SLC24A2: variants seen among roughly 807,000 people sequenced by gnomAD.
SLC24A2 encodes the protein sodium/potassium/calcium exchanger 2.
In SLC24A2, 36 loss-of-function variants were observed where a neutral mutation model predicts 62.0. That is an observed-to-expected ratio of 0.58 (90% CI 0.44 to 0.77). The LOEUF is 0.77. SLC24A2 is among the 30% of genes least tolerant of loss of function. The pLI is 0.00. For missense variants in SLC24A2, 846 were observed against 817.9 expected (o/e 1.03, Z -0.42); for synonymous variants, 358 against 294.0 (o/e 1.22, Z -2.23).
At chr9:19,903,429 A>G in the SLC24A2 span, among the ~76,000 whole-genome samples, 1 of 152,308 alleles carries the variant, frequency 6.6e-6, no homozygotes, top group African/African-American at 2.4e-5. Flanking sequence ...TATCTCCCAA[A>G]GGCTTACCTC....
Position 19,641,070 on chromosome 9 carries a change from C to T in SLC24A2, c.931-18771G>A, listed in dbSNP as rs187958299. ...TGGGAGAATAGTTAGGAGGCTGATG[C>T]GTCAGTCTAGTGATTTTGCTCTGGT... is the stretch of plus-strand genomic sequence containing the variant. On this transcript the variant is annotated intron_variant, in intron 2 of 10. Transcript: ENST00000341998. Among the ~76,000 whole-genome samples the T allele has an allele frequency of 4.6e-5, 7 of 152,298 alleles. No homozygotes were observed. The East Asian group carries it at 9.6e-4, about 21-fold the overall frequency.
intron 2 of SLC24A2, among the ~76,000 whole-genome samples, chr9:19,624,222 G>C (rs1353901637): frequency 6.6e-6 from 1 of 152,174 alleles, no homozygotes; most frequent in East Asian, 1.9e-4. Context: ...TTAACCGTCA[G>C]AGCACGCCTG....
chr9:19,850,210 T>C, the SLC24A2 span, among the ~76,000 whole-genome samples: 2 of 152,240 alleles, frequency 1.3e-5, no homozygotes, highest in Admixed American at 1.3e-4. Flanking sequence ...TTACATTTAA[T>C]ATGATAAAGT....
chr9:19,850,125 GC>G, the SLC24A2 span, among the ~76,000 whole-genome samples: 1 of 150,900 alleles, frequency 6.6e-6, no homozygotes, highest in African/African-American at 2.4e-5. Flanking sequence ...TTATATAAAT[GC>G]CTGTACACTT....
the SLC24A2 span, among the ~76,000 whole-genome samples, chr9:20,224,485 T>C: frequency 1.3e-5 from 2 of 152,230 alleles, no homozygotes; most frequent in East Asian, 1.9e-4. Context: ...AGAGCTCTCA[T>C]ACAATACTGG....
chr9:19,587,245 A>G (rs1836400851), intron 5 of SLC24A2, among the ~76,000 whole-genome samples: 1 of 152,212 alleles, frequency 6.6e-6, no homozygotes, highest in Non-Finnish European at 1.5e-5. Flanking sequence ...GAATCAAACA[A>G]AATAATTCTT....
rs372363587 is a variant in SLC24A2, at chr9:19,548,516, T to C, written c.1479+1621A>G. ...ACCAATAACTCAAGGCCTTGGGCTCTCAGGGTTGGGAAGGACTTTTAGAAT... is the reference window on the plus strand; with the variant it reads ...ACCAATAACTCAAGGCCTTGGGCTCCCAGGGTTGGGAAGGACTTTTAGAAT... On this transcript the variant is annotated intron_variant, in intron 8 of 10. Coordinates refer to ENST00000341998, the MANE Select transcript of SLC24A2 (RefSeq NM_020344.4). Among the ~76,000 whole-genome samples, 72 of 152,346 alleles carry C rather than the reference T, an allele frequency of 4.7e-4. No individual in the cohort carries two copies. The Middle Eastern group carries it at 0.017, about 36-fold the overall frequency.
At chr9:19,566,121 G>A (rs138475105) in intron 7 of SLC24A2, among the ~76,000 whole-genome samples, 16,752 of 152,082 alleles carry the variant, frequency 0.11, 974 homozygotes, top group African/African-American at 0.14. Flanking sequence ...AAATGGAATC[G>A]AATTAAACTA....
chr9:19,726,915 T>C (rs2118684949), intron 2 of SLC24A2, among the ~76,000 whole-genome samples: 1 of 152,288 alleles, frequency 6.6e-6, no homozygotes, highest in East Asian at 1.9e-4. Flanking sequence ...GTTTTTTCCT[T>C]CATGTCAGAA....
chr9:20,047,158 T>A, the SLC24A2 span, among the ~76,000 whole-genome samples: 1 of 152,128 alleles, frequency 6.6e-6, no homozygotes, highest in Non-Finnish European at 1.5e-5. Flanking sequence ...ACAGGTGATG[T>A]TGACATGAAG....
chr9:20,010,058 C>T, the SLC24A2 span, among the ~76,000 whole-genome samples: 9 of 152,154 alleles, frequency 5.9e-5, no homozygotes, highest in South Asian at 2.1e-4. Flanking sequence ...GCCCAGCCAG[C>T]GGCGCTCCAC....
At chr9:20,139,996 G>C in the SLC24A2 span, among the ~76,000 whole-genome samples, 1 of 152,314 alleles carries the variant, frequency 6.6e-6, no homozygotes, top group Admixed American at 6.5e-5. Context: ...CCAGGTGCCC[G>C]GGGACTGATG....
rs1283870793 is a variant in SLC24A2 at position 19,515,587 on chromosome 9, G to A, written c.*566C>T. The A allele has an allele frequency of 6.6e-6, 1 of 152,226 alleles. No individual in the cohort carries two copies. Among genetic ancestry groups the A allele is most frequent in the East Asian group, 1.9e-4 (1 of 5,196 alleles). 9.4% of individuals were successfully genotyped at this position (152,226 alleles called of 1,614,324 possible). A position where few individuals can be genotyped will look rare whatever the true frequency, so the allele number is the denominator to read the frequency against. On this transcript the variant is annotated 3_prime_UTR_variant, in exon 11 of 11. Coordinates refer to ENST00000341998, the MANE Select transcript of SLC24A2 (RefSeq NM_020344.4). ...CCATTAGTTCACCTCTTGTACTTAAGAGGTAAAGCCCAGACTGCAAGTTGA... is the reference window on the plus strand; with the variant it reads ...CCATTAGTTCACCTCTTGTACTTAAAAGGTAAAGCCCAGACTGCAAGTTGA...
the SLC24A2 span, among the ~76,000 whole-genome samples, chr9:20,202,919 A>G: frequency 6.6e-6 from 1 of 152,236 alleles, no homozygotes. Context: ...TAATTTAGCA[A>G]ACACTCAAAT....
the SLC24A2 span, among the ~76,000 whole-genome samples, chr9:20,095,977 T>C: frequency 1.3e-5 from 2 of 152,140 alleles, no homozygotes; most frequent in South Asian, 4.1e-4. Flanking sequence ...GATTCAATTA[T>C]TTCCCACTGG....
chr9:19,676,874 A>C (rs895944887), intron 2 of SLC24A2, among the ~76,000 whole-genome samples: 24 of 152,212 alleles, frequency 1.6e-4, no homozygotes, highest in African/African-American at 5.3e-4. Flanking sequence ...GTTTTTCTTC[A>C]AAGAGATACC....
intron 2 of SLC24A2, among the ~76,000 whole-genome samples, chr9:19,682,303 G>C (rs1282291366): frequency 2.0e-5 from 3 of 152,146 alleles, no homozygotes; most frequent in Admixed American, 6.6e-5. Flanking sequence ...GCTGATAGTA[G>C]ACGGTTGCAT....
At chr9:20,158,421 G>T in the SLC24A2 span, among the ~76,000 whole-genome samples, 1 of 151,572 alleles carries the variant, frequency 6.6e-6, no homozygotes, top group African/African-American at 2.4e-5. Context: ...TTTTATAAAA[G>T]GGCTTCAGCA....
At chr9:20,056,292 A>C in the SLC24A2 span, among the ~76,000 whole-genome samples, 1 of 152,182 alleles carries the variant, frequency 6.6e-6, no homozygotes, top group East Asian at 1.9e-4. Flanking sequence ...TAAATAAGAA[A>C]ATCTATAAAT....
Sources: allele counts gnomAD v4.1 joint callset (sites outside exome capture counted in the v4.1 genomes callset), GRCh38; gene constraint gnomAD v4.1.1; transcripts MANE v1.5; gene names NCBI Gene and HGNC (gene_info 2026-07-23, HGNC 2026-07-21).